The following PA2G4 variants were observed in gnomAD, a reference collection of about 807,000 sequenced individuals.
The protein encoded by PA2G4 is proliferation-associated 2G4.
A neutral mutation model predicts 53.3 loss-of-function variants in PA2G4; 8 were observed. The observed-to-expected ratio is 0.15, with a 90% CI of 0.09 to 0.27. PA2G4 has a LOEUF of 0.27. Ranked by LOEUF, PA2G4 falls within the 10% of genes least tolerant of loss-of-function variation. The pLI is 1.00. For synonymous variants in PA2G4, 143 were observed against 169.8 expected, an observed-to-expected ratio of 0.84 and a Z score of 1.23; for missense variants, 208 against 486.8, an observed-to-expected ratio of 0.43 and a Z score of 5.39.
intron 12 of PA2G4, 51 bp downstream of exon 12, chr12:56,111,580 T>C (rs772458032): frequency 1.3e-6 from 2 of 1,486,622 alleles, no homozygotes; most frequent in Non-Finnish European, 1.9e-6. Context: ...TGATCCCTCT[T>C]TCTCCCACTG....
chr12:56,112,377 C>T lies in PA2G4; in HGVS notation c.1120-446C>T, dbSNP rs984073353. Reference sequence around the variant, plus strand: ...TATCGAAATATCCATATTGCTTTCACGCCATTGTGAAGTTGAAAAATCACA... The same window carrying T: ...TATCGAAATATCCATATTGCTTTCATGCCATTGTGAAGTTGAAAAATCACA... On this transcript the variant is annotated intron_variant, in intron 12 of 12. Coordinates refer to ENST00000303305, the MANE Select transcript of PA2G4 (RefSeq NM_006191.3). Among the ~76,000 whole-genome samples, 11 of 152,308 alleles carry T rather than the reference C, an allele frequency of 7.2e-5. 1 individual carries two copies. The East Asian group carries it at 9.7e-4, about 13-fold the overall frequency.
chr12:56,109,151 C>A, intron 5 of PA2G4, 79 bp from the exon 6 acceptor site: 21 of 673,372 alleles, frequency 3.1e-5, no homozygotes, highest in Non-Finnish European at 4.8e-5. Flanking sequence ...ACGCTCAGTT[C>A]TTTTATGCTT....
chr12:56,107,794 C>T (rs1043108982), intron 5 of PA2G4, among the ~76,000 whole-genome samples, 181 bp downstream of exon 5: 1 of 152,142 alleles, frequency 6.6e-6, no homozygotes, highest in Non-Finnish European at 1.5e-5. Flanking sequence ...TTTGGGGGGC[C>T]AAGGTAGGAG....
At position 56,106,480 on chromosome 12, in the gene PA2G4, C is replaced by T. The variant is rs1176556863; in HGVS notation, c.89-108C>T. ...TGACCTTTCAGCCTCAGGGCAATGG[C>T]ACCAGGGAGTATTATGGAAACTCTT... On this transcript the variant is annotated intron_variant, in intron 1 of 12. Coordinates refer to ENST00000303305, the MANE Select transcript of PA2G4 (RefSeq NM_006191.3). 5 of 1,258,960 alleles carry T rather than the reference C, an allele frequency of 4.0e-6. No individual in the cohort carries two copies. The East Asian group carries it at 1.1e-4, about 27-fold the overall frequency. The allele number at this position is 1,258,960 out of a possible 1,614,324, so 78.0% of individuals were successfully genotyped here.
intron 1 of PA2G4, 153 bp downstream of exon 1, chr12:56,104,978 T>C: frequency 1.3e-6 from 1 of 775,858 alleles, no homozygotes; most frequent in Non-Finnish European, 2.3e-6. Context: ...AGACCCGGTG[T>C]CGCGCCTGGG....
Position 56,113,336 on chromosome 12 carries a change from T to C in PA2G4, c.*448T>C, listed in dbSNP as rs563840507. 1.1e-3 allele frequency: 176 copies of C among 163,372 alleles called. 1 individual carries two copies. In the South Asian group the frequency reaches 0.032, roughly 30 times the overall value. The allele number at this position is 163,372 out of a possible 1,614,324, so 10.1% of individuals were successfully genotyped here. Reference sequence around the variant, plus strand: ...TTGGGGCTTTTTCCTCTTTTTTCCATTCTCCCCAAATATTTTATCTGGCTT... The same window carrying C: ...TTGGGGCTTTTTCCTCTTTTTTCCACTCTCCCCAAATATTTTATCTGGCTT... On this transcript the variant is annotated 3_prime_UTR_variant, in exon 13 of 13. Transcript: ENST00000303305.
intron 1 of PA2G4, among the ~76,000 whole-genome samples, chr12:56,106,006 T>G (rs1000760175): frequency 5.9e-5 from 9 of 152,300 alleles, no homozygotes; most frequent in Admixed American, 4.6e-4. Flanking sequence ...CTTTTAGTAT[T>G]TGAGATACTA....
intron 1 of PA2G4, 89 bp downstream of exon 1, chr12:56,104,914 C>A: frequency 8.5e-7 from 1 of 1,173,094 alleles, no homozygotes; most frequent in Non-Finnish European, 1.3e-6. Flanking sequence ...AGGGGTCATG[C>A]GGACTGAGCT....
At chr12:56,111,449 T>C in intron 11 of PA2G4, 27 bp from the exon 12 acceptor site, 1 of 1,611,424 alleles carries the variant, frequency 6.2e-7, no homozygotes, top group Non-Finnish European at 8.5e-7. Context: ...TTTCTCAAAA[T>C]TTTTTTCCCT....
Position 56,109,270 on chromosome 12 carries a change from C to A in PA2G4, c.527C>A (p.Ser176Ter). 1 of 1,611,608 alleles carries A rather than the reference C, an allele frequency of 6.2e-7. No individual in the cohort carries two copies. The highest frequency in any genetic ancestry group is 1.1e-5 in the South Asian group (1 of 91,006). The change falls in exon 6 of 13, where the codon TCA (serine) becomes TAA (stop). Residue 176 changes from serine (S) to a stop codon, truncating the protein, a stop_gained. Coordinates refer to ENST00000303305, the MANE Select transcript of PA2G4 (RefSeq NM_006191.3). LOFTEE classifies it high-confidence loss of function. ...GAAGCCTGGAACAAAGTTGCCCACT[C>A]ATTTAACTGCACGCCAATAGAAGGT... ...VTEAWNKVAH[S>*]FNCTPIEGML...
chr12:56,108,713 T>C (rs1361030676), intron 5 of PA2G4, among the ~76,000 whole-genome samples: 1 of 152,208 alleles, frequency 6.6e-6, no homozygotes, highest in Non-Finnish European at 1.5e-5. Context: ...TTTTTGGAGA[T>C]GTAACCCCAT....
intron 2 of PA2G4, 69 bp from the exon 3 acceptor site, chr12:56,106,921 A>T: frequency 7.3e-7 from 1 of 1,368,774 alleles, no homozygotes; most frequent in Non-Finnish European, 1.0e-6. Flanking sequence ...AAATCCTTCT[A>T]CATTTCTGAA....
At chr12:56,108,584 CTG>C (rs1869349225) in intron 5 of PA2G4, among the ~76,000 whole-genome samples, 2 of 152,184 alleles carry the variant, frequency 1.3e-5, no homozygotes, top group Non-Finnish European at 2.9e-5. Flanking sequence ...TTCTGCCCAA[CTG>C]TAGGATAATG....
In PA2G4 at chr12:56,110,456, C is replaced by T. The variant is rs761782091; in HGVS notation, c.687C>T (p.Leu229=). 124 of 1,612,864 alleles carry T rather than the reference C, an allele frequency of 7.7e-5. No individual in the cohort carries two copies. The highest frequency in any genetic ancestry group is 9.7e-5 in the Non-Finnish European group (114 of 1,179,060). The change falls in exon 8 of 13, where the codon CTC becomes CTT. Residue 229 remains leucine, a synonymous_variant. Coordinates refer to ENST00000303305, the MANE Select transcript of PA2G4 (RefSeq NM_006191.3). ...EVHEVYAVDV[L]VSSGEGKAKD... is the part of the protein sequence containing the mutation. Reference sequence around the variant, plus strand: ...ATGAAGTATATGCTGTGGATGTTCTCGTCAGCTCAGGAGAGGGCAAGGTGA... The same window carrying T: ...ATGAAGTATATGCTGTGGATGTTCTTGTCAGCTCAGGAGAGGGCAAGGTGA...
chr12:56,110,002 C>G (rs1247733450), intron 7 of PA2G4, 67 bp downstream of exon 7: 1 of 1,082,846 alleles, frequency 9.2e-7, no homozygotes, highest in African/African-American at 1.5e-5. Context: ...TTTCTATACT[C>G]CCAACTGAAT....
Position 56,109,892 on chromosome 12 carries a change from G to T in PA2G4, c.586G>T (p.Asp196Tyr). The T allele has an allele frequency of 6.2e-7, 1 of 1,613,910 alleles. No individual in the cohort carries two copies. Among genetic ancestry groups the T allele is most frequent in the Non-Finnish European group, 8.5e-7 (1 of 1,179,846 alleles). Residue 196 changes from aspartate to tyrosine, a missense_variant, in exon 7 of 13, where the codon GAT becomes TAT. Asp to Tyr is a radical substitution (Grantham distance 160). Around this residue, in one of 3 missense-constraint regions of PA2G4, gnomAD observed 143 missense variants for 386.8 expected, o/e 0.37. Coordinates refer to ENST00000303305, the MANE Select transcript of PA2G4 (RefSeq NM_006191.3). ...LSHQLKQHVI[D>Y]GEKTIIQNPT... ...ACACCAGTTGAAGCAGCATGTCATC[G>T]ATGGAGAAAAAACCATTATCCAGAA...
At position 56,104,662 on chromosome 12, in the gene PA2G4, C is replaced by A; in HGVS notation, c.-76C>A. The A allele has an allele frequency of 7.4e-7, 1 of 1,353,590 alleles. No individual in the cohort carries two copies. Among genetic ancestry groups the A allele is most frequent in the Non-Finnish European group, 1.1e-6 (1 of 942,228 alleles). The allele number at this position is 1,353,590 out of a possible 1,614,324, so 83.8% of individuals were successfully genotyped here. On this transcript the variant is annotated 5_prime_UTR_variant, in exon 1 of 13. Coordinates refer to ENST00000303305, the MANE Select transcript of PA2G4 (RefSeq NM_006191.3). ...TCGAGGATCGAGGGGACTCTGACCA[C>A]AGCCTGTGGCTGGGAAGGGAGACAG...
At chr12:56,109,192 C>G (rs989840899) in intron 5 of PA2G4, 38 bp from the exon 6 acceptor site, 25 of 1,411,250 alleles carry the variant, frequency 1.8e-5, no homozygotes, top group Non-Finnish European at 2.3e-5. Context: ...CTTATTAGCT[C>G]CTGATATCTC....
At chr12:56,107,428 G>A (rs568983683) in intron 4 of PA2G4, 93 bp from the exon 5 acceptor site, 6 of 1,040,002 alleles carry the variant, frequency 5.8e-6, no homozygotes, top group South Asian at 1.3e-5. Flanking sequence ...TCATTGGCTG[G>A]TCTTCGCATA....
Sources: allele counts gnomAD v4.1 joint callset (sites outside exome capture counted in the v4.1 genomes callset), GRCh38; gene constraint gnomAD v4.1.1; regional missense constraint gnomAD v4.1.1; transcripts MANE v1.5; gene names NCBI Gene and HGNC (gene_info 2026-07-23, HGNC 2026-07-21).